DNAJC15: variants seen among roughly 807,000 people sequenced by gnomAD.
The protein encoded by DNAJC15 is dnaJ homolog subfamily C member 15.
Under a neutral mutation model 22.4 loss-of-function variants are expected in DNAJC15, and 27 were observed. The observed-to-expected ratio is 1.20, with a 90% confidence interval of 0.89 to 1.66. The LOEUF is 1.66. Among genes scored for constraint, DNAJC15 ranks in the 40% most tolerant of loss-of-function variants. The probability of loss-of-function intolerance (pLI) is 0.00; values close to 1 mark genes in which losing one functional copy is unlikely to be tolerated. For missense variants in DNAJC15, 208 were observed against 187.1 expected (o/e 1.11, Z -0.65); for synonymous variants, 79 against 63.2 (o/e 1.25, Z -1.19).
At chr13:43,067,669 A>C (rs1416762990) in intron 2 of DNAJC15, among the ~76,000 whole-genome samples, 1 of 152,190 alleles carries the variant, frequency 6.6e-6, no homozygotes, top group Admixed American at 6.5e-5. Flanking sequence ...CAACCAAATA[A>C]TAGAATTTAG....
At chr13:43,030,819 T>G (rs1292529737) in intron 1 of DNAJC15, among the ~76,000 whole-genome samples, 1 of 152,222 alleles carries the variant, frequency 6.6e-6, no homozygotes, top group Admixed American at 6.5e-5. Context: ...AGGTTGCAGA[T>G]ACTTAGTAAA....
chr13:43,041,613 C>T (rs898112266), intron 1 of DNAJC15, among the ~76,000 whole-genome samples: 14 of 152,212 alleles, frequency 9.2e-5, no homozygotes, highest in African/African-American at 3.4e-4. Flanking sequence ...AGTCAGAATT[C>T]AACATCTAAC....
chr13:43,083,414 G>A (rs1160353100), intron 4 of DNAJC15, among the ~76,000 whole-genome samples: 1 of 152,072 alleles, frequency 6.6e-6, no homozygotes, highest in Non-Finnish European at 1.5e-5. Context: ...TGATCTGCCC[G>A]CCTCAGCCTC....
At chr13:43,081,715 G>T (rs1488901806) in intron 4 of DNAJC15, among the ~76,000 whole-genome samples, 1 of 152,082 alleles carries the variant, frequency 6.6e-6, no homozygotes, top group Non-Finnish European at 1.5e-5. Context: ...GGGATTACAA[G>T]CAGAAGCCAC....
intron 1 of DNAJC15, among the ~76,000 whole-genome samples, chr13:43,054,427 G>A (rs1414677495): frequency 6.6e-6 from 1 of 152,192 alleles, no homozygotes; most frequent in Non-Finnish European, 1.5e-5. Context: ...TTCATAGAAT[G>A]ATTTAGGGAG....
At chr13:43,069,039 T>C (rs1264037866) in intron 3 of DNAJC15, 36 bp downstream of exon 3, 1 of 1,580,272 alleles carries the variant, frequency 6.3e-7, no homozygotes, top group South Asian at 1.1e-5. Context: ...AAGACTCATT[T>C]TGATTTTTGT....
At chr13:43,100,637 GTAT>G (rs2040763963) in intron 5 of DNAJC15, among the ~76,000 whole-genome samples, 1 of 152,172 alleles carries the variant, frequency 6.6e-6, no homozygotes, top group African/African-American at 2.4e-5. Flanking sequence ...AGAATACAGT[GTAT>G]TATTTCTGTC....
chr13:43,050,825 A>G (rs1345964092), intron 1 of DNAJC15, among the ~76,000 whole-genome samples: 6 of 152,166 alleles, frequency 3.9e-5, no homozygotes, highest in Non-Finnish European at 7.3e-5. Flanking sequence ...CAGTAAATAA[A>G]TGGGTTTTTG....
rs1184846416 is a variant in DNAJC15, at chr13:43,102,223, ATCT to A, written c.383-4950_383-4948del. On this transcript the variant is annotated intron_variant, in intron 5 of 5. Transcript: ENST00000379221. ...TTTAATGTTTGTTGGCCATTTGTGTATCTTCTTTTGAGAATTGTCTTTTCATGT... is the reference window on the plus strand; with the variant it reads ...TTTAATGTTTGTTGGCCATTTGTGTATCTTTTGAGAATTGTCTTTTCATGT... Among the ~76,000 whole-genome samples the A allele has an allele frequency of 3.3e-5, 5 of 151,964 alleles. No homozygotes were observed. The East Asian group carries it at 9.6e-4, about 29-fold the overall frequency.
chr13:43,092,966 T>C (rs1401972812), intron 5 of DNAJC15, among the ~76,000 whole-genome samples: 1 of 152,202 alleles, frequency 6.6e-6, no homozygotes, highest in Admixed American at 6.5e-5. Context: ...CAGAATACTT[T>C]CTTGACTTAC....
At chr13:43,071,069 C>T (rs767433453) in intron 3 of DNAJC15, among the ~76,000 whole-genome samples, 11 of 152,068 alleles carry the variant, frequency 7.2e-5, no homozygotes, top group Admixed American at 2.0e-4. Flanking sequence ...TTTTCTGTTA[C>T]GGTGATCTTC....
At chr13:43,080,302 C>T (rs2040655818) in intron 4 of DNAJC15, among the ~76,000 whole-genome samples, 1 of 152,120 alleles carries the variant, frequency 6.6e-6, no homozygotes, top group Non-Finnish European at 1.5e-5. Context: ...TAAGTGAGAA[C>T]ATGTGATATT....
rs1306866966 is a variant in DNAJC15 at position 43,098,199 on chromosome 13, AG to A, written c.383-8978del. On this transcript the variant is annotated intron_variant, in intron 5 of 5. Transcript: ENST00000379221. ...TTATGTTCACTGAGAAGAAACTCTA[AG>A]CAGTGAAAATTTGACCCCTATAAGG... Among the ~76,000 whole-genome samples the A allele has an allele frequency of 3.9e-5, 6 of 152,190 alleles. No homozygotes were observed. In the East Asian group the frequency reaches 1.2e-3, roughly 29 times the overall value.
At chr13:43,092,617 C>A (rs966786711) in intron 5 of DNAJC15, among the ~76,000 whole-genome samples, 2 of 151,820 alleles carry the variant, frequency 1.3e-5, no homozygotes, top group African/African-American at 4.8e-5. Context: ...AAATTTTATA[C>A]TTTTTTCTTT....
intron 5 of DNAJC15, among the ~76,000 whole-genome samples, chr13:43,098,968 T>C (rs1445292614): frequency 6.6e-6 from 1 of 152,208 alleles, no homozygotes; most frequent in African/African-American, 2.4e-5. Flanking sequence ...GCATTAAATC[T>C]GTAAATTAGA....
At chr13:43,056,296 G>A (rs9533368) in intron 1 of DNAJC15, among the ~76,000 whole-genome samples, 37 of 151,920 alleles carry the variant, frequency 2.4e-4, no homozygotes, top group African/African-American at 7.2e-4. Context: ...GCACCACCAC[G>A]CCTGGCTAAT....
intron 4 of DNAJC15, among the ~76,000 whole-genome samples, chr13:43,082,183 GAAAAA>G (rs68161393): frequency 7.5e-5 from 11 of 146,424 alleles, no homozygotes; most frequent in African/African-American, 2.8e-4. Context: ...CTCAGTAGTA[GAAAAA>G]AAAAAAGATG....
chr13:43,106,638 T>G (rs1323541734), intron 5 of DNAJC15, among the ~76,000 whole-genome samples: 1 of 152,112 alleles, frequency 6.6e-6, no homozygotes, highest in Admixed American at 6.5e-5. Flanking sequence ...TTATCTCTAT[T>G]AAGTAAATAG....
intron 1 of DNAJC15, among the ~76,000 whole-genome samples, chr13:43,052,078 C>T (rs1200994716): frequency 6.6e-6 from 1 of 152,090 alleles, no homozygotes; most frequent in East Asian, 1.9e-4. Context: ...GATTCTCCTG[C>T]CTCAGCCTGC....
Sources: allele counts gnomAD v4.1 joint callset (sites outside exome capture counted in the v4.1 genomes callset), GRCh38; gene constraint gnomAD v4.1.1; transcripts MANE v1.5; gene names NCBI Gene and HGNC (gene_info 2026-07-23, HGNC 2026-07-21).